EWSR1: variants seen among roughly 807,000 people sequenced by gnomAD.
EWSR1 encodes the protein RNA-binding protein EWS.
EWSR1 carries 14 observed loss-of-function variants against 92.1 expected under a neutral mutation model. That is an observed-to-expected ratio of 0.15 (90% confidence interval 0.10 to 0.24). EWSR1 has a LOEUF of 0.24. Among genes scored for constraint, EWSR1 ranks in the 10% least tolerant of loss-of-function variants. The probability of loss-of-function intolerance (pLI) is 1.00; values close to 1 mark genes in which losing one functional copy is unlikely to be tolerated. For synonymous variants in EWSR1, 303 were observed against 292.9 expected (o/e 1.03, Z -0.35); for missense variants, 637 against 870.9 (o/e 0.73, Z 3.38).
rs752449468 is a variant in EWSR1 at position 29,299,827 on chromosome 22, G to A, written c.1907G>A (p.Arg636His). The A allele has an allele frequency of 1.9e-6, 3 of 1,553,964 alleles. No individual in the cohort carries two copies. Among genetic ancestry groups the A allele is most frequent in the South Asian group, 1.2e-5 (1 of 83,788 alleles). ...MEQMGGRRGGRGGPGKMDKGE... is the reference protein window; with the variant it reads ...MEQMGGRRGGHGGPGKMDKGE... Reference sequence around the variant, plus strand: ...CAGATGGGAGGAAGAAGAGGAGGACGTGGAGGACCTGGAAAAATGGATAAG... The same window carrying A: ...CAGATGGGAGGAAGAAGAGGAGGACATGGAGGACCTGGAAAAATGGATAAG... The change falls in exon 16 of 17, where the codon CGT (arginine) becomes CAT (histidine). Residue 636 changes from arginine to histidine, a missense_variant. Coordinates refer to ENST00000397938, the MANE Select transcript of EWSR1 (RefSeq NM_005243.4).
rs2061149300 is a variant in EWSR1 at position 29,299,351 on chromosome 22, G to T, written c.1678+20G>T. ...CCCCGGGTAGGTGCAGGTTTCATGA[G>T]TGTCCCCTCAGCTTCCTGGTGCTAA... is the stretch of plus-strand genomic sequence containing the variant. On this transcript the variant is annotated intron_variant, in intron 15 of 16. Coordinates refer to ENST00000397938, the MANE Select transcript of EWSR1 (RefSeq NM_005243.4). 1.2e-6 allele frequency: 2 copies of T among 1,606,906 alleles called. No homozygotes were observed. Among genetic ancestry groups the T allele is most frequent in the African/African-American group, 1.3e-5 (1 of 74,756 alleles).
At chr22:29,292,849 T>G (rs1385117041) in intron 11 of EWSR1, among the ~76,000 whole-genome samples, 1 of 146,604 alleles carries the variant, frequency 6.8e-6, no homozygotes, top group Non-Finnish European at 1.5e-5. Context: ...CACTGCAACC[T>G]CTGTTCAAGC....
chr22:29,268,454 AG>A, intron 1 of EWSR1, 105 bp downstream of exon 1: 1 of 1,591,982 alleles, frequency 6.3e-7, no homozygotes, highest in South Asian at 1.1e-5. Context: ...AGTTGCCGAG[AG>A]GGGGTTGAGG....
At chr22:29,280,792 G>C (rs911256779) in intron 5 of EWSR1, among the ~76,000 whole-genome samples, 44 of 146,840 alleles carry the variant, frequency 3.0e-4, no homozygotes, top group African/African-American at 1.1e-3. Flanking sequence ...TCCTGCCTCA[G>C]CCTCCTGAGT....
chr22:29,292,897 C>G (rs1220001936), intron 11 of EWSR1, among the ~76,000 whole-genome samples: 1 of 151,434 alleles, frequency 6.6e-6, no homozygotes, highest in Non-Finnish European at 1.5e-5. Context: ...GCTGGGATTA[C>G]AGGTGTGCGC....
At chr22:29,287,405 A>G (rs1446417731) in intron 7 of EWSR1, among the ~76,000 whole-genome samples, 1 of 152,082 alleles carries the variant, frequency 6.6e-6, no homozygotes, top group African/African-American at 2.4e-5. Flanking sequence ...ACGGGGTTTC[A>G]CCATGTTGGT....
intron 4 of EWSR1, among the ~76,000 whole-genome samples, chr22:29,274,997 G>A (rs1366238842): frequency 6.6e-6 from 1 of 152,130 alleles, no homozygotes; most frequent in South Asian, 2.1e-4. Flanking sequence ...TCCAGTTAAG[G>A]GGAAAAACCT....
intron 6 of EWSR1, among the ~76,000 whole-genome samples, chr22:29,284,767 C>T (rs547589751): frequency 6.6e-5 from 10 of 151,284 alleles, no homozygotes; most frequent in Non-Finnish European, 1.5e-4. Context: ...TACTGTTTCT[C>T]ATCATGATTT....
chr22:29,290,373 G>C, intron 8 of EWSR1: 1 of 1,580,444 alleles, frequency 6.3e-7, no homozygotes, highest in Non-Finnish European at 8.6e-7. Context: ...GTTAAACGTG[G>C]AAACTTTTTA....
In EWSR1 at chr22:29,272,412, G is replaced by T; in HGVS notation, c.83G>T (p.Gly28Val). 6.2e-7 allele frequency: 1 copy of T among 1,612,882 alleles called. No individual in the cohort carries two copies. The highest frequency in any genetic ancestry group is 1.7e-5 in the Admixed American group (1 of 60,002). ...GCTTACACCGCCCAGCCCACTCAAG[G>T]ATATGCACAGACCACCCAGGTAATC... ...YSAYTAQPTQ[G>V]YAQTTQAYGQ... Residue 28 changes from glycine to valine, a missense_variant, in exon 3 of 17, where the codon GGA (glycine) becomes GTA (valine). Physicochemically the swap from Gly to Val is moderately radical, Grantham distance 109 (BLOSUM62 -3). This residue lies in a region of EWSR1 where 144 missense variants were observed against 189.0 expected (regional missense o/e 0.76). Transcript: ENST00000397938.
At chr22:29,279,670 T>C (rs1569068973) in intron 5 of EWSR1, among the ~76,000 whole-genome samples, 1 of 152,234 alleles carries the variant, frequency 6.6e-6, no homozygotes, top group African/African-American at 2.4e-5. Flanking sequence ...ATATCTGCTC[T>C]AGAGGTAAGA....
rs781641485 is a variant in EWSR1 at position 29,272,371 on chromosome 22, CT to C, written c.51-5del. The stretch of plus-strand genomic sequence containing the variant: ...TCTATTCAAGTTATTGCATTTAATT[CT>C]TTTGCAGCTACAGTGCTTACACCGC... On this transcript the variant is annotated splice_region_variant and splice_polypyrimidine_tract_variant and intron_variant, in intron 2 of 16. Coordinates refer to ENST00000397938, the MANE Select transcript of EWSR1 (RefSeq NM_005243.4). 2.7e-5 allele frequency: 43 copies of C among 1,613,744 alleles called. No homozygotes were observed. Among genetic ancestry groups the C allele is most frequent in the Non-Finnish European group, 3.6e-5 (42 of 1,179,982 alleles).
chr22:29,287,361 C>T (rs542752648), intron 7 of EWSR1, among the ~76,000 whole-genome samples: 52 of 152,298 alleles, frequency 3.4e-4, no homozygotes, highest in African/African-American at 1.2e-3. Flanking sequence ...GCGCCTGCCA[C>T]TATGCCCAGC....
chr22:29,290,531 T>C, intron 8 of EWSR1: 2 of 1,591,246 alleles, frequency 1.3e-6, no homozygotes, highest in Non-Finnish European at 1.7e-6. Context: ...AGAGGAAAAA[T>C]ATACATAGAA....
intron 11 of EWSR1, among the ~76,000 whole-genome samples, chr22:29,292,808 A>T (rs1282095910): frequency 7.6e-6 from 1 of 131,828 alleles, no homozygotes; most frequent in Non-Finnish European, 1.5e-5. Flanking sequence ...CTTGGTGCCC[A>T]GGCTGGAGTG....
chr22:29,298,472 A>C (rs949425644), intron 13 of EWSR1, among the ~76,000 whole-genome samples: 22 of 147,878 alleles, frequency 1.5e-4, no homozygotes, highest in African/African-American at 5.6e-4. Context: ...GTGCCACTGC[A>C]CTCCAGCCTG....
rs748647019 is a variant in EWSR1, at chr22:29,268,316, A to G, written c.-21A>G. ...GCGAGAGGGAGACGGACGTTGAGAG[A>G]ACGAGGAGGAAGGAGAGAAAATGGC... On this transcript the variant is annotated 5_prime_UTR_variant, in exon 1 of 17. Coordinates refer to ENST00000397938, the MANE Select transcript of EWSR1 (RefSeq NM_005243.4). 1 of 1,613,518 alleles carries G rather than the reference A, an allele frequency of 6.2e-7. No homozygotes were observed. Among genetic ancestry groups the G allele is most frequent in the African/African-American group, 1.3e-5 (1 of 74,934 alleles).
intron 6 of EWSR1, among the ~76,000 whole-genome samples, chr22:29,284,769 T>G (rs1470980542): frequency 6.6e-6 from 1 of 151,310 alleles, no homozygotes; most frequent in Non-Finnish European, 1.5e-5. Flanking sequence ...CTGTTTCTCA[T>G]CATGATTTGT....
intron 5 of EWSR1, among the ~76,000 whole-genome samples, chr22:29,279,440 T>G (rs1175357773): frequency 6.6e-6 from 1 of 152,312 alleles, no homozygotes; most frequent in East Asian, 1.9e-4. Context: ...CTAAATATTA[T>G]AGGCAAATAA....
Sources: allele counts gnomAD v4.1 joint callset (sites outside exome capture counted in the v4.1 genomes callset), GRCh38; gene constraint gnomAD v4.1.1; regional missense constraint gnomAD v4.1.1; transcripts MANE v1.5; gene names NCBI Gene and HGNC (gene_info 2026-07-23, HGNC 2026-07-21).